Variants in NPAS2 observed in about 807,000 individuals in gnomAD.
NPAS2 encodes the protein neuronal PAS domain protein 2, also known as neuronal PAS domain-containing protein 2.
A neutral mutation model predicts 107.5 loss-of-function variants in NPAS2; 23 were observed. The ratio of observed to expected loss-of-function variants is 0.21; its 90% CI spans 0.15 to 0.30. The LOEUF is 0.30. Ranked by LOEUF, NPAS2 falls within the 10% of genes least tolerant of loss-of-function variation. The pLI, the probability that NPAS2 is intolerant of heterozygous loss-of-function variation, is 1.00. For synonymous variants in NPAS2, 403 were observed against 417.5 expected, an observed-to-expected ratio of 0.97 and a Z score of 0.42; for missense variants, 756 against 1,043.3, an observed-to-expected ratio of 0.72 and a Z score of 3.79.
At chr2:100,924,581 T>G (rs1402905118) in intron 2 of NPAS2, among the ~76,000 whole-genome samples, 4 of 152,264 alleles carry the variant, frequency 2.6e-5, no homozygotes, top group Non-Finnish European at 4.4e-5. Context: ...ACAGCCATGG[T>G]GCAGTACCTG....
At chr2:100,877,887 T>G (rs1488604654) in intron 1 of NPAS2, 6 of 815,668 alleles carry the variant, frequency 7.4e-6, no homozygotes, top group Non-Finnish European at 8.9e-6. Flanking sequence ...GGACCTTCTC[T>G]TGTACAATAC....
rs556499115 is a variant in NPAS2 at position 100,936,864 on chromosome 2, C to A, written c.274-889C>A. On this transcript the variant is annotated intron_variant, in intron 4 of 20. Transcript: ENST00000335681. ...GGGCCTGGTGGCATGTGCCTGTAATCCCAGCTACTCGGGACACTGAAGCAG... is the reference window on the plus strand; with the variant it reads ...GGGCCTGGTGGCATGTGCCTGTAATACCAGCTACTCGGGACACTGAAGCAG... Among the ~76,000 whole-genome samples, 5 of 151,894 alleles carry A rather than the reference C, an allele frequency of 3.3e-5. No individual in the cohort carries two copies. The South Asian group carries it at 1.0e-3, about 32-fold the overall frequency.
At chr2:100,992,397 CTG>C (rs1250732131) in intron 19 of NPAS2, among the ~76,000 whole-genome samples, 2 of 152,334 alleles carry the variant, frequency 1.3e-5, no homozygotes, top group East Asian at 1.9e-4. Flanking sequence ...AATGTCGGCT[CTG>C]TGTCCCCACC....
intron 15 of NPAS2, among the ~76,000 whole-genome samples, chr2:100,981,415 T>C (rs1319159806): frequency 6.6e-6 from 1 of 152,108 alleles, no homozygotes; most frequent in Non-Finnish European, 1.5e-5. Context: ...CCTCCTGCCA[T>C]CCCTCCCAAA....
At chr2:100,991,579 C>A (rs1867861) in intron 19 of NPAS2, among the ~76,000 whole-genome samples, 2 of 152,052 alleles carry the variant, frequency 1.3e-5, no homozygotes, top group Non-Finnish European at 2.9e-5. Flanking sequence ...GCAGGCACCC[C>A]CAGGCCCCTC....
intron 7 of NPAS2, among the ~76,000 whole-genome samples, chr2:100,957,809 T>C (rs1241570944): frequency 6.6e-6 from 1 of 152,112 alleles, no homozygotes; most frequent in Admixed American, 6.5e-5. Context: ...GTGCCTGTAG[T>C]CCCAGCTACT....
intron 2 of NPAS2, among the ~76,000 whole-genome samples, chr2:100,919,859 T>TCTTTGGTGAGCAC (rs1175484450): frequency 6.6e-6 from 1 of 152,102 alleles, no homozygotes; most frequent in African/African-American, 2.4e-5. Flanking sequence ...CTGGGCTCCC[T>TCTTTGGTGAGCAC]CCTTGGTGAG....
chr2:100,906,668 G>T (rs1682167186), intron 2 of NPAS2, among the ~76,000 whole-genome samples: 1 of 152,180 alleles, frequency 6.6e-6, no homozygotes, highest in South Asian at 2.1e-4. Flanking sequence ...TTGGCTCACT[G>T]CAACCTCCCT....
chr2:100,957,012 C>T (rs528656315), intron 7 of NPAS2, among the ~76,000 whole-genome samples: 1 of 152,230 alleles, frequency 6.6e-6, no homozygotes, highest in Non-Finnish European at 1.5e-5. Context: ...ACACACCAGC[C>T]ATTGCTCAGG....
chr2:100,925,748 A>G (rs1024932001), intron 3 of NPAS2, among the ~76,000 whole-genome samples: 1 of 152,174 alleles, frequency 6.6e-6, no homozygotes, highest in African/African-American at 2.4e-5. Context: ...AAATACATTG[A>G]AAAGAATTTA....
intron 7 of NPAS2, among the ~76,000 whole-genome samples, chr2:100,950,824 T>G (rs921319844): frequency 1.3e-5 from 2 of 152,202 alleles, no homozygotes; most frequent in Admixed American, 6.5e-5. Context: ...CAAAGTCAGA[T>G]GAGGCCAAGG....
At chr2:100,964,832 C>CT (rs34961878) in intron 8 of NPAS2, 29 bp from the exon 9 acceptor site, 142,828 of 1,071,130 alleles carry the variant, frequency 0.13, 13 homozygotes, top group Non-Finnish European at 0.15. Context: ...ACCCAAGCAA[C>CT]TTTTTTTTTT....
chr2:100,995,953 G>A lies in NPAS2; in HGVS notation c.*371G>A, dbSNP rs902510956. ...TGCGGCCCGCCCATCTGCGCTAGCT[G>A]GCCTTCACGCTCTTGATCGTCTTTC... On this transcript the variant is annotated 3_prime_UTR_variant, in exon 21 of 21. Coordinates refer to ENST00000335681, the MANE Select transcript of NPAS2 (RefSeq NM_002518.4). 3.9e-5 allele frequency: 53 copies of A among 1,353,834 alleles called. No homozygotes were observed. The highest frequency in any genetic ancestry group is 2.9e-4 in the Middle Eastern group (1 of 3,474). The allele number at this position is 1,353,834 out of a possible 1,614,324, so 83.9% of individuals were successfully genotyped here. A position where few individuals can be genotyped will look rare whatever the true frequency, so the allele number is the denominator to read the frequency against.
intron 8 of NPAS2, 23 bp downstream of exon 8, chr2:100,964,199 A>C: frequency 7.1e-7 from 1 of 1,409,614 alleles, no homozygotes; most frequent in Non-Finnish European, 1.0e-6. Flanking sequence ...GAGGCAGTTC[A>C]TTGTGCGGAG....
intron 1 of NPAS2, among the ~76,000 whole-genome samples, chr2:100,887,473 G>A (rs928595234): frequency 1.3e-5 from 2 of 152,208 alleles, no homozygotes; most frequent in African/African-American, 4.8e-5. Flanking sequence ...GAGGTGAGGG[G>A]AGAGGACGTC....
chr2:100,911,832 G>A (rs758253343), intron 2 of NPAS2, among the ~76,000 whole-genome samples: 4 of 152,028 alleles, frequency 2.6e-5, no homozygotes, highest in African/African-American at 4.8e-5. Flanking sequence ...GGGTTTCACC[G>A]TGTTAGCCAG....
chr2:100,947,896 A>T (rs1481501243), intron 5 of NPAS2, among the ~76,000 whole-genome samples: 1 of 152,232 alleles, frequency 6.6e-6, no homozygotes, highest in East Asian at 1.9e-4. Flanking sequence ...CTGGGCGTGC[A>T]CAGGGGCCAT....
intron 2 of NPAS2, among the ~76,000 whole-genome samples, chr2:100,920,371 G>A (rs1256145786): frequency 3.3e-5 from 5 of 151,626 alleles, no homozygotes; most frequent in African/African-American, 4.8e-5. Flanking sequence ...ATTCCATGTT[G>A]TATATATATA....
intron 2 of NPAS2, among the ~76,000 whole-genome samples, chr2:100,905,610 A>G (rs1379786009): frequency 6.6e-6 from 1 of 152,112 alleles, no homozygotes; most frequent in Non-Finnish European, 1.5e-5. Flanking sequence ...CCTTGGCAGC[A>G]GGGGACATCC....
Sources: allele counts gnomAD v4.1 joint callset (sites outside exome capture counted in the v4.1 genomes callset), GRCh38; gene constraint gnomAD v4.1.1; transcripts MANE v1.5; gene names NCBI Gene and HGNC (gene_info 2026-07-23, HGNC 2026-07-21).